PCDH15: variants seen among roughly 807,000 people sequenced by gnomAD.
PCDH15 encodes the protein protocadherin related 15, also known as protocadherin-15.
In PCDH15, 129 loss-of-function variants were observed where a neutral mutation model predicts 178.5. That is an observed-to-expected ratio of 0.72 (90% confidence interval 0.63 to 0.84). The LOEUF is 0.84. Among genes scored for constraint, PCDH15 ranks in the 40% least tolerant of loss-of-function variants. PCDH15 has a pLI of 0.00. For missense variants in PCDH15, 2,230 were observed against 2,099.9 expected, an observed-to-expected ratio of 1.06 and a Z score of -1.21; for synonymous variants, 800 against 732.0, an observed-to-expected ratio of 1.09 and a Z score of -1.50.
chr10:54,390,597 C>A (rs867520802), intron 3 of PCDH15, among the ~76,000 whole-genome samples: 1 of 152,046 alleles, frequency 6.6e-6, no homozygotes, highest in Non-Finnish European at 1.5e-5. Context: ...GCCCAGCCAA[C>A]CTATACCTGT....
intron 3 of PCDH15, among the ~76,000 whole-genome samples, chr10:54,402,528 A>AG (rs1357144535): frequency 2.0e-5 from 3 of 151,990 alleles, no homozygotes; most frequent in African/African-American, 7.2e-5. Flanking sequence ...AAAAGTTTGA[A>AG]GATTTGTGGC....
chr10:54,773,524 C>T (rs1045394131), intron 1 of PCDH15, among the ~76,000 whole-genome samples: 2 of 152,158 alleles, frequency 1.3e-5, no homozygotes, highest in Non-Finnish European at 2.9e-5. Context: ...CCTGCAGATG[C>T]ATTCTCAACA....
At chr10:54,358,315 A>C (rs1945387626) in intron 5 of PCDH15, among the ~76,000 whole-genome samples, 1 of 151,956 alleles carries the variant, frequency 6.6e-6, no homozygotes, top group Non-Finnish European at 1.5e-5. Context: ...AAACAAATTT[A>C]CAAGAAAAAA....
chr10:54,787,084 A>G (rs769626546), intron 1 of PCDH15, among the ~76,000 whole-genome samples: 49 of 151,822 alleles, frequency 3.2e-4, no homozygotes, highest in African/African-American at 1.2e-3. Flanking sequence ...TAGAATGCCA[A>G]TTTTGATTCT....
intron 15 of PCDH15, among the ~76,000 whole-genome samples, chr10:54,117,095 A>G (rs1402857646): frequency 6.6e-6 from 1 of 152,096 alleles, no homozygotes; most frequent in Non-Finnish European, 1.5e-5. Context: ...TGTTCCACCT[A>G]TGCAGCCTGA....
At chr10:53,856,135 G>C (rs1173939303) in intron 28 of PCDH15, among the ~76,000 whole-genome samples, 1 of 151,112 alleles carries the variant, frequency 6.6e-6, no homozygotes, top group African/African-American at 2.4e-5. Context: ...GGAAAGGGTG[G>C]GATGGAGGTG....
At chr10:54,331,162 A>G (rs1236248511) in intron 6 of PCDH15, among the ~76,000 whole-genome samples, 1 of 66,338 alleles carries the variant, frequency 1.5e-5, no homozygotes, top group Non-Finnish European at 3.2e-5. Flanking sequence ...GTTAAACTCA[A>G]TGAAAAAAAA....
At chr10:54,556,157 T>C (rs1478357016) in intron 2 of PCDH15, among the ~76,000 whole-genome samples, 1 of 152,212 alleles carries the variant, frequency 6.6e-6, no homozygotes, top group African/African-American at 2.4e-5. Flanking sequence ...AATTCTATAT[T>C]ATTTTAATTT....
At chr10:53,960,879 T>C (rs1378016445) in intron 22 of PCDH15, among the ~76,000 whole-genome samples, 2 of 152,180 alleles carry the variant, frequency 1.3e-5, no homozygotes, top group Admixed American at 1.3e-4. Context: ...CAAAAATTAT[T>C]CTAAGTAACT....
chr10:55,092,730 G>C (rs1842347281), intron 2 of PCDH15, among the ~76,000 whole-genome samples: 1 of 151,762 alleles, frequency 6.6e-6, no homozygotes, highest in Non-Finnish European at 1.5e-5. Flanking sequence ...TGCTCTGTTT[G>C]TTTCTATTCT....
intron 2 of PCDH15, among the ~76,000 whole-genome samples, chr10:54,622,266 G>GTT (rs1319397778): frequency 6.6e-6 from 1 of 151,528 alleles, no homozygotes; most frequent in Admixed American, 6.6e-5. Context: ...GTGTGTGTGT[G>GTT]TTTATCTATT....
At chr10:54,654,231 G>C (rs1419117614) in intron 2 of PCDH15, among the ~76,000 whole-genome samples, 1 of 152,164 alleles carries the variant, frequency 6.6e-6, no homozygotes, top group Non-Finnish European at 1.5e-5. Flanking sequence ...AAAGCTGACA[G>C]TTACAAAGGA....
At chr10:55,539,294 C>A (rs2132074439) in intron 2 of PCDH15, among the ~76,000 whole-genome samples, 2 of 152,064 alleles carry the variant, frequency 1.3e-5, no homozygotes, top group Middle Eastern at 6.8e-3. Context: ...TCTTCATAAT[C>A]AAAATGAAAA....
At chr10:54,039,069 C>A (rs1303427253) in intron 18 of PCDH15, among the ~76,000 whole-genome samples, 5 of 151,822 alleles carry the variant, frequency 3.3e-5, no homozygotes, top group Non-Finnish European at 7.4e-5. Flanking sequence ...TAGGTTTTTT[C>A]TTTTAGTTCT....
intron 2 of PCDH15, among the ~76,000 whole-genome samples, chr10:55,582,621 TATATATA>T (rs1331859346): frequency 6.2e-4 from 59 of 94,724 alleles, no homozygotes; most frequent in Admixed American, 1.3e-3. Context: ...TATATATATA[TATATATA>T]TTTTTTTTTT....
intron 3 of PCDH15, among the ~76,000 whole-genome samples, chr10:54,421,837 T>TAC (rs1250629355): frequency 4.0e-4 from 17 of 42,054 alleles, no homozygotes; most frequent in Admixed American, 2.1e-3. Context: ...TATATATATA[T>TAC]ACACACACAC....
At chr10:54,131,990 T>G (rs1035905709) in intron 15 of PCDH15, among the ~76,000 whole-genome samples, 4 of 152,164 alleles carry the variant, frequency 2.6e-5, no homozygotes, top group African/African-American at 9.7e-5. Flanking sequence ...TAAAGATTGA[T>G]GCTGGGATTT....
chr10:54,485,950 A>G (rs1014002115), intron 3 of PCDH15, among the ~76,000 whole-genome samples: 25 of 151,726 alleles, frequency 1.6e-4, no homozygotes, highest in Non-Finnish European at 3.1e-4. Context: ...GATCTCTAAC[A>G]GTTTTATGAA....
intron 1 of PCDH15, among the ~76,000 whole-genome samples, chr10:55,308,959 G>A (rs1843504101): frequency 6.6e-6 from 1 of 152,114 alleles, no homozygotes; most frequent in Admixed American, 6.5e-5. Flanking sequence ...ACTTGAATGT[G>A]AGTCACAAAG....
Sources: allele counts gnomAD v4.1 joint callset (sites outside exome capture counted in the v4.1 genomes callset), GRCh38; gene constraint gnomAD v4.1.1; transcripts MANE v1.5; gene names NCBI Gene and HGNC (gene_info 2026-07-23, HGNC 2026-07-21).